Variants in SLC17A5 observed in about 807,000 individuals in gnomAD.
SLC17A5 encodes solute carrier family 17 member 5.
A neutral mutation model predicts 59.4 loss-of-function variants in SLC17A5; 47 were observed. The observed-to-expected ratio is 0.79, with a 90% CI of 0.63 to 1.01. The LOEUF (loss-of-function observed/expected upper bound fraction) is 1.01. Among genes scored for constraint, SLC17A5 ranks in the 50% least tolerant of loss-of-function variants. The pLI is 0.00. For missense variants in SLC17A5, 522 were observed against 595.5 expected, an observed-to-expected ratio of 0.88 and a Z score of 1.28; for synonymous variants, 202 against 210.7, an observed-to-expected ratio of 0.96 and a Z score of 0.36.
chr6:73,628,258 C>A (rs2150106097), intron 6 of SLC17A5, among the ~76,000 whole-genome samples: 1 of 152,168 alleles, frequency 6.6e-6, no homozygotes, highest in East Asian at 1.9e-4. Context: ...TTCTAAAATA[C>A]CACTGCTGAT....
At chr6:73,643,906 C>T (rs150357178) in intron 2 of SLC17A5, among the ~76,000 whole-genome samples, 1 of 152,284 alleles carries the variant, frequency 6.6e-6, no homozygotes, top group African/African-American at 2.4e-5. Context: ...ATTAATACCA[C>T]TATAACATAA....
rs1768853188 is a variant in SLC17A5, at chr6:73,633,359, T to C, written c.819+2023A>G. ...GTTCAGCTGCTTGTAGAGACATTTATAGCAAAATAAAAAACTTAAAAAGAA... is the reference window on the plus strand; with the variant it reads ...GTTCAGCTGCTTGTAGAGACATTTACAGCAAAATAAAAAACTTAAAAAGAA... On this transcript the variant is annotated intron_variant, in intron 6 of 10. Coordinates refer to ENST00000355773, the MANE Select transcript of SLC17A5 (RefSeq NM_012434.5). Among the ~76,000 whole-genome samples the C allele has an allele frequency of 2.0e-5, 3 of 151,864 alleles. No individual in the cohort carries two copies. In the South Asian group the frequency reaches 6.2e-4, roughly 31 times the overall value.
At position 73,645,654 on chromosome 6, in the gene SLC17A5, C is replaced by T. The variant is rs532408132; in HGVS notation, c.95-1051G>A. ...ATACAAAAAATTAGCCGGGCGTGGT[C>T]GCGGGCGCCTGTAGTCCCAGCTACT... On this transcript the variant is annotated intron_variant, in intron 1 of 10. Transcript: ENST00000355773. 1.4e-5 allele frequency: 3 copies of T among 212,220 alleles called. No individual in the cohort carries two copies. The East Asian group carries it at 5.6e-4, about 40-fold the overall frequency. 13.1% of individuals were successfully genotyped at this position (212,220 alleles called of 1,614,324 possible).
intron 3 of SLC17A5, 126 bp from the exon 4 acceptor site, chr6:73,638,625 A>C: frequency 1.3e-6 from 1 of 767,078 alleles, no homozygotes; most frequent in South Asian, 1.5e-5. Flanking sequence ...AGGTTCCATG[A>C]AATGAGAAAT....
At chr6:73,628,428 G>A (rs979426527) in intron 6 of SLC17A5, among the ~76,000 whole-genome samples, 6 of 152,088 alleles carry the variant, frequency 3.9e-5, no homozygotes, top group East Asian at 1.9e-4. Flanking sequence ...ACAATTAGCC[G>A]GGAATGGTGA....
At chr6:73,628,904 A>AT (rs80111990) in intron 6 of SLC17A5, among the ~76,000 whole-genome samples, 3 of 152,084 alleles carry the variant, frequency 2.0e-5, no homozygotes, top group Admixed American at 6.6e-5. Context: ...TTTAAAAAAA[A>AT]TTTTTCTTGT....
chr6:73,619,467 C>G (rs1768036045), intron 7 of SLC17A5, among the ~76,000 whole-genome samples: 1 of 151,918 alleles, frequency 6.6e-6, no homozygotes, highest in Non-Finnish European at 1.5e-5. Flanking sequence ...GCAGGAGGAT[C>G]ATTTGAGCTC....
At chr6:73,626,111 G>A (rs1940843013) in intron 6 of SLC17A5, among the ~76,000 whole-genome samples, 1 of 152,130 alleles carries the variant, frequency 6.6e-6, no homozygotes, top group East Asian at 1.9e-4. Flanking sequence ...GTATTCTGAA[G>A]AATGTACCCT....
Position 73,629,874 on chromosome 6 carries a change from A to G in SLC17A5, c.819+5508T>C, listed in dbSNP as rs191754832. Among the ~76,000 whole-genome samples, 7 of 152,366 alleles carry G rather than the reference A, an allele frequency of 4.6e-5. No homozygotes were observed. In the East Asian group the frequency reaches 1.3e-3, roughly 29 times the overall value. ...ATGGGTGAAGTGGTAATGTCTTTCC[A>G]TAATTCATTAAAAGGAGATCTTCAA... On this transcript the variant is annotated intron_variant, in intron 6 of 10. Transcript: ENST00000355773.
At chr6:73,598,940 C>T (rs939774522) in intron 10 of SLC17A5, among the ~76,000 whole-genome samples, 2 of 151,838 alleles carry the variant, frequency 1.3e-5, no homozygotes, top group African/African-American at 4.8e-5. Context: ...GCTGAGATTG[C>T]GCCATTGTAC....
At chr6:73,650,758 G>A (rs991342117) in intron 1 of SLC17A5, among the ~76,000 whole-genome samples, 2 of 151,796 alleles carry the variant, frequency 1.3e-5, no homozygotes, top group Non-Finnish European at 2.9e-5. Flanking sequence ...AAAATGGAGA[G>A]GGCTGAAAGT....
rs1037669135 is a variant in SLC17A5, at chr6:73,615,389, C to T, written c.1037G>A (p.Gly346Asp). 6.2e-7 allele frequency: 1 copy of T among 1,613,824 alleles called. No individual in the cohort carries two copies. Among genetic ancestry groups the T allele is most frequent in the Non-Finnish European group, 8.5e-7 (1 of 1,179,916 alleles). ...TGCCCTTAAATTGTCAGCAGCTTGACCAGACAGGATCATACATAACCAAGA... is the reference window on the plus strand; with the variant it reads ...TGCCCTTAAATTGTCAGCAGCTTGATCAGACAGGATCATACATAACCAAGA... Reference protein sequence around the residue: ...LGSWLCMILSGQAADNLRAKW... With the variant: ...LGSWLCMILSDQAADNLRAKW... Residue 346 changes from glycine to aspartate, a missense_variant, in exon 8 of 11, where the codon GGT (glycine) becomes GAT (aspartate). Around this residue, in one of 3 missense-constraint regions of SLC17A5, gnomAD observed 31 missense variants for 63.2 expected, o/e 0.49. Transcript: ENST00000355773.
rs777927222 is a variant in SLC17A5, at chr6:73,644,434, A to C, written c.264T>G (p.Ala88=). ...TTTGATTATGATGAACTTTTATGGGAGCAGAATGCTCTGGACACGCCTTGG... is the reference window on the plus strand; with the variant it reads ...TTTGATTATGATGAACTTTTATGGGCGCAGAATGCTCTGGACACGCCTTGG... ...RTSKACPEHS[A]PIKVHHNQTG... Residue 88 remains alanine, a synonymous_variant, in exon 2 of 11, where the codon GCT becomes GCG. Transcript: ENST00000355773. 2.5e-6 allele frequency: 4 copies of C among 1,614,000 alleles called. No individual in the cohort carries two copies. The South Asian group carries it at 3.3e-5, about 13-fold the overall frequency.
In SLC17A5 at chr6:73,644,424, CT is replaced by C; in HGVS notation, c.273del (p.Val92PhefsTer42). On this transcript the variant is annotated frameshift_variant, in exon 2 of 11. Transcript: ENST00000355773. LOFTEE classifies it high-confidence loss of function. ...GCACCTACCGTTTGATTATGATGAA[CT>C]TTTATGGGAGCAGAATGCTCTGGAC... ...KACPEHSAPI[K>X]VHHNQTGKKY... The C allele has an allele frequency of 6.2e-7, 1 of 1,613,670 alleles. No individual in the cohort carries two copies. The highest frequency in any genetic ancestry group is 8.5e-7 in the Non-Finnish European group (1 of 1,179,818).
intron 4 of SLC17A5, 85 bp from the exon 5 acceptor site, chr6:73,636,792 G>A: frequency 1.0e-6 from 1 of 999,322 alleles, no homozygotes; most frequent in Non-Finnish European, 1.6e-6. Context: ...ACAGAGGATG[G>A]GTAACAGGCT....
intron 6 of SLC17A5, among the ~76,000 whole-genome samples, chr6:73,627,789 C>T (rs140726760): frequency 0.012 from 1,871 of 151,836 alleles, 38 homozygotes; most frequent in African/African-American, 0.041. Flanking sequence ...CTACCACACC[C>T]GGCTAATTTT....
chr6:73,598,758 C>T (rs1389945603), intron 10 of SLC17A5, among the ~76,000 whole-genome samples: 3 of 151,690 alleles, frequency 2.0e-5, no homozygotes, highest in East Asian at 3.9e-4. Flanking sequence ...TTTGGGAGGC[C>T]GAGATGGGCG....
intron 9 of SLC17A5, among the ~76,000 whole-genome samples, chr6:73,601,357 G>T (rs1488296714): frequency 6.9e-6 from 1 of 144,084 alleles, no homozygotes; most frequent in Admixed American, 6.9e-5. Context: ...CAGCCACCCC[G>T]TCTGGGAAGT....
chr6:73,652,383 C>G (rs1172284253), intron 1 of SLC17A5, among the ~76,000 whole-genome samples: 1 of 152,128 alleles, frequency 6.6e-6, no homozygotes, highest in Non-Finnish European at 1.5e-5. Context: ...ACTTTTCTAT[C>G]CACATCTCTG....
Sources: allele counts gnomAD v4.1 joint callset (sites outside exome capture counted in the v4.1 genomes callset), GRCh38; gene constraint gnomAD v4.1.1; regional missense constraint gnomAD v4.1.1; transcripts MANE v1.5; gene names NCBI Gene and HGNC (gene_info 2026-07-23, HGNC 2026-07-21).